The following SEPTIN9 variants were observed in gnomAD, a reference collection of about 807,000 sequenced individuals.
The protein encoded by SEPTIN9 is septin 9.
A neutral mutation model predicts 56.6 loss-of-function variants in SEPTIN9; 13 were observed. The observed-to-expected ratio is 0.23, with a 90% CI of 0.15 to 0.37. SEPTIN9 has a LOEUF of 0.37. Among genes scored for constraint, SEPTIN9 ranks in the 10% least tolerant of loss-of-function variants. The probability of loss-of-function intolerance (pLI) is 1.00; values close to 1 mark genes in which losing one functional copy is unlikely to be tolerated. For synonymous variants in SEPTIN9, 332 were observed against 334.1 expected, an observed-to-expected ratio of 0.99 and a Z score of 0.07; for missense variants, 650 against 823.1, an observed-to-expected ratio of 0.79 and a Z score of 2.57.
At chr17:77,334,869 C>T (rs2033484375) in intron 2 of SEPTIN9, among the ~76,000 whole-genome samples, 1 of 152,280 alleles carries the variant, frequency 6.6e-6, no homozygotes, top group Non-Finnish European at 1.5e-5. Flanking sequence ...AGTTCTAGCA[C>T]CGTTTGTTGA....
intron 2 of SEPTIN9, among the ~76,000 whole-genome samples, chr17:77,390,247 G>A (rs2035485722): frequency 6.6e-6 from 1 of 150,568 alleles, no homozygotes; most frequent in Admixed American, 6.6e-5. Flanking sequence ...CTCGGGAGGC[G>A]GAGGCAGGAG....
chr17:77,376,541 C>G (rs1598275618), intron 2 of SEPTIN9: 1 of 296,628 alleles, frequency 3.4e-6, no homozygotes, highest in Non-Finnish European at 5.0e-6. Context: ...CACCCCAAAG[C>G]AGGACGAGCT....
At chr17:77,473,457 T>C (rs1034881733) in intron 3 of SEPTIN9, among the ~76,000 whole-genome samples, 1 of 152,184 alleles carries the variant, frequency 6.6e-6, no homozygotes, top group African/African-American at 2.4e-5. Context: ...GGTCTTGAAC[T>C]CCTGGGCTCA....
At chr17:77,497,570 C>G in intron 11 of SEPTIN9, 1 of 622,818 alleles carries the variant, frequency 1.6e-6, no homozygotes, top group Non-Finnish European at 2.9e-6. Context: ...AGTGAAGATC[C>G]TTTTCAACCC....
intron 3 of SEPTIN9, among the ~76,000 whole-genome samples, chr17:77,469,865 CCACTCATCCACCTATCTACAGTCATT>C (rs2038904799): frequency 6.8e-6 from 1 of 148,068 alleles, no homozygotes; most frequent in African/African-American, 2.5e-5. Flanking sequence ...ATTCACCCAT[CCACTCATCCACCTATCTACAGTCATT>C]CACTCATCCA....
chr17:77,373,357 G>C, intron 2 of SEPTIN9: 1 of 1,192,482 alleles, frequency 8.4e-7, no homozygotes, highest in Non-Finnish European at 1.0e-6. Context: ...CTGAGCCAGG[G>C]GGCCTAGGGG....
In SEPTIN9 at chr17:77,440,597, C is replaced by G. The variant is rs75306970; in HGVS notation, c.721+37894C>G. ...TTCCAATTCAGAGCGGCCTGCGTCC[C>G]AAGCGGACAGCTGCTCCCTTCCTCT... On this transcript the variant is annotated intron_variant, in intron 3 of 11. Coordinates refer to ENST00000427177, the MANE Select transcript of SEPTIN9 (RefSeq NM_001113491.2). Among the ~76,000 whole-genome samples the G allele has an allele frequency of 6.3e-3, 966 of 152,346 alleles. 15 individuals are homozygous for G. The highest frequency in any genetic ancestry group is 0.022 in the African/African-American group (929 of 41,566).
chr17:77,334,043 A>G (rs988747181), intron 2 of SEPTIN9, among the ~76,000 whole-genome samples: 7 of 152,256 alleles, frequency 4.6e-5, no homozygotes, highest in Admixed American at 3.9e-4. Context: ...TTTGTCCTGC[A>G]GCTGCACAGT....
At chr17:77,415,627 CAAAAAA>C (rs772446190) in intron 3 of SEPTIN9, among the ~76,000 whole-genome samples, 6 of 63,224 alleles carry the variant, frequency 9.5e-5, no homozygotes, top group Non-Finnish European at 2.0e-4. Flanking sequence ...GACTATGTCT[CAAAAAA>C]AAAAAAAAAA....
At position 77,405,312 on chromosome 17, in the gene SEPTIN9, A is replaced by G. The variant is rs572364113; in HGVS notation, c.721+2609A>G. The stretch of plus-strand genomic sequence containing the variant: ...TGAGCAGGATGGCTGGGACACAAGG[A>G]GTGTCCAGGGAGCTTCCCCAGCAGT... On this transcript the variant is annotated intron_variant, in intron 3 of 11. Transcript: ENST00000427177. The surrounding 1 kb of genome is among the most constrained non-coding windows in gnomAD (Gnocchi z 5.8). 6.6e-6 allele frequency among the ~76,000 whole-genome samples: 1 copy of G among 152,204 alleles called. No homozygotes were observed. Among genetic ancestry groups the G allele is most frequent in the South Asian group, 2.1e-4 (1 of 4,822 alleles).
intron 1 of SEPTIN9, among the ~76,000 whole-genome samples, chr17:77,285,108 C>A (rs891203024): frequency 6.6e-6 from 1 of 152,184 alleles, no homozygotes; most frequent in Non-Finnish European, 1.5e-5. Context: ...CCAGAAGCCT[C>A]CATGATCTTC....
At position 77,405,278 on chromosome 17, in the gene SEPTIN9, A is replaced by G; in HGVS notation, c.721+2575A>G. The stretch of plus-strand genomic sequence containing the variant: ...CTGCGGGCTCTGCTTTCTGGAGCTC[A>G]CCGAGCCGTGAGCAGGATGGCTGGG... On this transcript the variant is annotated intron_variant, in intron 3 of 11. Coordinates refer to ENST00000427177, the MANE Select transcript of SEPTIN9 (RefSeq NM_001113491.2). This position sits in a 1 kb window ranked among gnomAD's most constrained non-coding sequence, Gnocchi z 5.8. 2.8e-6 allele frequency: 2 copies of G among 704,012 alleles called. No individual in the cohort carries two copies. The highest frequency in any genetic ancestry group is 2.8e-5 in the East Asian group (1 of 35,918). 43.6% of individuals were successfully genotyped at this position (704,012 alleles called of 1,614,324 possible).
chr17:77,307,574 A>G lies in SEPTIN9; in HGVS notation c.76+377A>G, dbSNP rs147494428. On this transcript the variant is annotated intron_variant, in intron 2 of 11. Transcript: ENST00000427177. ...GCCGTGAGCCTCTCGGTGTTGGTTC[A>G]GTATCTGTGGGCTCCCTGCAACCTT... Among the ~76,000 whole-genome samples, 94 of 152,208 alleles carry G rather than the reference A, an allele frequency of 6.2e-4. 1 individual carries two copies. The East Asian group carries it at 7.5e-3, about 12-fold the overall frequency.
intron 2 of SEPTIN9, among the ~76,000 whole-genome samples, chr17:77,366,256 C>T (rs1216042469): frequency 6.6e-6 from 1 of 152,146 alleles, no homozygotes; most frequent in African/African-American, 2.4e-5. Context: ...GTGTCCCCAT[C>T]TCATTTTTGT....
intron 2 of SEPTIN9, among the ~76,000 whole-genome samples, chr17:77,316,656 A>G (rs1030705139): frequency 3.3e-5 from 5 of 150,996 alleles, no homozygotes; most frequent in African/African-American, 1.2e-4. Context: ...CCACAGCAGG[A>G]GTTCGTATGG....
chr17:77,383,095 C>A (rs1381268551), intron 2 of SEPTIN9, among the ~76,000 whole-genome samples: 2 of 152,070 alleles, frequency 1.3e-5, no homozygotes, highest in Non-Finnish European at 2.9e-5. Context: ...CTCCTGCACA[C>A]AGCTGCCCTG....
At chr17:77,338,586 T>C (rs2033629990) in intron 2 of SEPTIN9, among the ~76,000 whole-genome samples, 1 of 152,044 alleles carries the variant, frequency 6.6e-6, no homozygotes, top group Non-Finnish European at 1.5e-5. Flanking sequence ...GCCTGGCTAA[T>C]TTTTGTATTT....
At chr17:77,416,549 C>T (rs987883454) in intron 3 of SEPTIN9, among the ~76,000 whole-genome samples, 3 of 152,186 alleles carry the variant, frequency 2.0e-5, no homozygotes, top group African/African-American at 7.2e-5. Context: ...GAGCCAGCTG[C>T]CCCATGGAGG....
chr17:77,333,546 A>G (rs1229540061), intron 2 of SEPTIN9, among the ~76,000 whole-genome samples: 1 of 152,074 alleles, frequency 6.6e-6, no homozygotes, highest in Non-Finnish European at 1.5e-5. Context: ...TCTTAGTGGT[A>G]TTTTCCAATA....
Sources: gnomAD v4.1 joint callset for allele counts (sites outside exome capture counted in the v4.1 genomes callset) on GRCh38, gnomAD v4.1.1 for gene constraint, Gnocchi (gnomAD v3.1) non-coding constraint, MANE v1.5 for transcripts, NCBI Gene and HGNC (gene_info 2026-07-23, HGNC 2026-07-21) for gene names.